Variants in TDO2 observed in about 807,000 individuals in gnomAD.
TDO2 encodes the protein tryptophan 2,3-dioxygenase.
A neutral mutation model predicts 61.2 loss-of-function variants in TDO2; 63 were observed. The ratio of observed to expected loss-of-function variants is 1.03; its 90% CI spans 0.84 to 1.27. The LOEUF is 1.27. Among genes scored for constraint, TDO2 ranks in the 50% most tolerant of loss-of-function variants. The pLI, the probability that TDO2 is intolerant of heterozygous loss-of-function variation, is 0.00. For synonymous variants in TDO2, 183 were observed against 164.0 expected, an observed-to-expected ratio of 1.12 and a Z score of -0.89; for missense variants, 494 against 469.5, an observed-to-expected ratio of 1.05 and a Z score of -0.48.
At chr4:155,907,897 T>C in intron 4 of TDO2, 105 bp downstream of exon 4, 1 of 790,908 alleles carries the variant, frequency 1.3e-6, no homozygotes, top group African/African-American at 1.8e-5. Context: ...GTCTTAACTT[T>C]TAATGATAGA....
intron 10 of TDO2, among the ~76,000 whole-genome samples, 164 bp downstream of exon 10, chr4:155,917,638 G>A (rs1442935929): frequency 6.6e-6 from 1 of 151,792 alleles, no homozygotes; most frequent in Non-Finnish European, 1.5e-5. Context: ...TCTCTCCCAG[G>A]GCCAACTTAT....
At chr4:155,918,330 T>C (rs1742982818) in intron 11 of TDO2, 91 bp downstream of exon 11, 1 of 1,150,526 alleles carries the variant, frequency 8.7e-7, no homozygotes, top group Non-Finnish European at 1.3e-6. Context: ...AAAGCCATTT[T>C]ATTTGCTCCT....
rs577930501 is a variant in TDO2 at position 155,903,728 on chromosome 4, C to T, written c.-31C>T. ...TGATAGCATCTGCCTAGAGTCAAAC[C>T]TCCGTGCTTCTCAGACAGTGCCTTT... is the stretch of plus-strand genomic sequence containing the variant. On this transcript the variant is annotated 5_prime_UTR_variant, in exon 1 of 12. Transcript: ENST00000536354. 135 of 1,614,080 alleles carry T rather than the reference C, an allele frequency of 8.4e-5. No individual in the cohort carries two copies. Among genetic ancestry groups the T allele is most frequent in the Admixed American group, 5.2e-4 (31 of 59,994 alleles).
intron 9 of TDO2, among the ~76,000 whole-genome samples, chr4:155,916,359 G>A (rs1742936597): frequency 8.5e-6 from 1 of 117,454 alleles, no homozygotes; most frequent in Non-Finnish European, 1.8e-5. Flanking sequence ...TAGTAGAGAC[G>A]GGGTTTCACC....
chr4:155,915,410 AC>A (rs1422125159), intron 8 of TDO2, among the ~76,000 whole-genome samples: 1 of 152,188 alleles, frequency 6.6e-6, no homozygotes, highest in Admixed American at 6.5e-5. Flanking sequence ...ATTAGAGCAC[AC>A]ATGTATGATT....
intron 7 of TDO2, among the ~76,000 whole-genome samples, chr4:155,913,438 G>A (rs1036534678): frequency 2.6e-5 from 4 of 152,034 alleles, no homozygotes; most frequent in African/African-American, 7.2e-5. Flanking sequence ...CCACTCTGAA[G>A]ATCTTGGCTC....
Position 155,903,772 on chromosome 4 carries a change from C to T in TDO2, c.14C>T (p.Pro5Leu). Residue 5 changes from proline (P) to leucine (L), a missense_variant, in exon 1 of 12, where the codon CCA becomes CTA. Physicochemically the swap from Pro to Leu is moderately conservative, Grantham distance 98. Coordinates refer to ENST00000536354, the MANE Select transcript of TDO2 (RefSeq NM_005651.4). The part of the protein sequence containing the change: MSGC[P>L]FLGNNFGYTF... ...TGCCTTTTCACCATGAGTGGGTGCC[C>T]ATTTTTAGGAAACAACTTTGGGTGA... is the stretch of plus-strand genomic sequence containing the variant. The T allele has an allele frequency of 1.2e-6, 2 of 1,614,168 alleles. No individual in the cohort carries two copies. Among genetic ancestry groups the T allele is most frequent in the Non-Finnish European group, 1.7e-6 (2 of 1,180,028 alleles).
intron 3 of TDO2, 30 bp downstream of exon 3, chr4:155,905,187 T>G (rs764350834): frequency 6.8e-7 from 1 of 1,463,740 alleles, no homozygotes; most frequent in Non-Finnish European, 9.3e-7. Context: ...TGGACAATAT[T>G]CCACAGGCAT....
Position 155,914,448 on chromosome 4 carries a change from CTT to C in TDO2, c.838+16_838+17del. The C allele has an allele frequency of 1.3e-6, 2 of 1,527,956 alleles. No individual in the cohort carries two copies. The highest frequency in any genetic ancestry group is 1.8e-6 in the Non-Finnish European group (2 of 1,131,652). 94.6% of individuals were successfully genotyped at this position (1,527,956 alleles called of 1,614,324 possible). A position where few individuals can be genotyped will look rare whatever the true frequency, so the allele number is the denominator to read the frequency against. On this transcript the variant is annotated intron_variant, in intron 8 of 11. Transcript: ENST00000536354. ...TCCTTAGTAAAGGCAGGTATTTTTA[CTT>C]TATGAATCTTTTCCCTGGAATGTGT... is the stretch of plus-strand genomic sequence containing the variant.
chr4:155,917,428 G>A lies in TDO2; in HGVS notation c.930G>A (p.Leu310=). ...EEPRFQVPFQ[L]LTSLMDIDSL... The stretch of plus-strand genomic sequence containing the variant: ...CTAGGTTCCAGGTGCCTTTTCAGTT[G>A]CTGACTTCTCTTATGGACATAGATT... The change falls in exon 10 of 12, where the codon TTG becomes TTA. Residue 310 remains leucine (L), a synonymous_variant. Transcript: ENST00000536354. 6.2e-7 allele frequency: 1 copy of A among 1,610,892 alleles called. No individual in the cohort carries two copies. Among genetic ancestry groups the A allele is most frequent in the Non-Finnish European group, 8.5e-7 (1 of 1,178,822 alleles).
At chr4:155,914,489 A>G (rs774039501) in intron 8 of TDO2, 55 bp downstream of exon 8, 10 of 1,231,068 alleles carry the variant, frequency 8.1e-6, no homozygotes, top group African/African-American at 1.6e-5. Context: ...TATGAGATCA[A>G]GACATCATTT....
Position 155,905,064 on chromosome 4 carries a change from A to G in TDO2, c.142-3A>G. ...AGACAGGCTTTTTATTTTTCATTTCAAGTTGGAAAAAGTTTTGAATGCACA... is the reference window on the plus strand; with the variant it reads ...AGACAGGCTTTTTATTTTTCATTTCGAGTTGGAAAAAGTTTTGAATGCACA... On this transcript the variant is annotated splice_polypyrimidine_tract_variant and splice_region_variant and intron_variant, in intron 2 of 11. Coordinates refer to ENST00000536354, the MANE Select transcript of TDO2 (RefSeq NM_005651.4). The G allele has an allele frequency of 6.3e-6, 10 of 1,575,784 alleles. No homozygotes were observed. Among genetic ancestry groups the G allele is most frequent in the Non-Finnish European group, 6.9e-6 (8 of 1,165,110 alleles).
In TDO2 at chr4:155,908,882, T is replaced by C; in HGVS notation, c.304-5T>C. On this transcript the variant is annotated splice_polypyrimidine_tract_variant and splice_region_variant and intron_variant, in intron 4 of 11. Transcript: ENST00000536354. ...TAACTCAGTGTTTCATTTCTTAACC[T>C]TCAGGTCAGAGATGAAAGGAACATG... The C allele has an allele frequency of 6.2e-7, 1 of 1,608,744 alleles. No homozygotes were observed. Among genetic ancestry groups the C allele is most frequent in the Non-Finnish European group, 8.5e-7 (1 of 1,177,770 alleles).
Position 155,903,742 on chromosome 4 carries a change from G to A in TDO2, c.-17G>A. 6.2e-7 allele frequency: 1 copy of A among 1,614,170 alleles called. No individual in the cohort carries two copies. Among genetic ancestry groups the A allele is most frequent in the Non-Finnish European group, 8.5e-7 (1 of 1,180,016 alleles). On this transcript the variant is annotated 5_prime_UTR_variant, in exon 1 of 12. Transcript: ENST00000536354. ...TAGAGTCAAACCTCCGTGCTTCTCA[G>A]ACAGTGCCTTTTCACCATGAGTGGG...
chr4:155,907,851 T>G, intron 4 of TDO2, 59 bp downstream of exon 4: 4 of 1,333,998 alleles, frequency 3.0e-6, no homozygotes, highest in South Asian at 1.2e-5. Context: ...ATGGAAAGTA[T>G]TATTAATGAG....
chr4:155,905,251 A>T (rs1433940435), intron 3 of TDO2, 94 bp downstream of exon 3: 3 of 908,592 alleles, frequency 3.3e-6, no homozygotes, highest in Non-Finnish European at 5.1e-6. Context: ...ATGATGAAAG[A>T]TCATGGAATC....
In TDO2 at chr4:155,905,054, TTTTCA is replaced by T. The variant is rs761895969; in HGVS notation, c.142-7_142-3del. The T allele has an allele frequency of 6.4e-7, 1 of 1,567,670 alleles. No homozygotes were observed. Among genetic ancestry groups the T allele is most frequent in the Non-Finnish European group, 8.6e-7 (1 of 1,158,874 alleles). ...CTGCAATTTCAGACAGGCTTTTTAT[TTTTCA>T]TTTCAAGTTGGAAAAAGTTTTGAAT... On this transcript the variant is annotated splice_polypyrimidine_tract_variant and splice_region_variant and intron_variant, in intron 2 of 11. Coordinates refer to ENST00000536354, the MANE Select transcript of TDO2 (RefSeq NM_005651.4).
At chr4:155,912,694 C>G (rs1388050453) in intron 7 of TDO2, among the ~76,000 whole-genome samples, 1 of 152,048 alleles carries the variant, frequency 6.6e-6, no homozygotes, top group East Asian at 1.9e-4. Context: ...TAGATGGTGT[C>G]ATTTATACCC....
Position 155,917,448 on chromosome 4 carries a change from T to C in TDO2, c.950T>C (p.Ile317Thr). The change falls in exon 10 of 12, where the codon ATA becomes ACA. Residue 317 changes from isoleucine (I) to threonine (T), a missense_variant. Ile to Thr is a moderately conservative substitution (Grantham distance 89). Coordinates refer to ENST00000536354, the MANE Select transcript of TDO2 (RefSeq NM_005651.4). ...PFQLLTSLMD[I>T]DSLMTKWRYN... ...CAGTTGCTGACTTCTCTTATGGACA[T>C]AGATTCACTGATGACCAAATGGAGA... 6.2e-7 allele frequency: 1 copy of C among 1,611,594 alleles called. No individual in the cohort carries two copies. The highest frequency in any genetic ancestry group is 8.5e-7 in the Non-Finnish European group (1 of 1,179,058).
Sources: allele counts gnomAD v4.1 joint callset (sites outside exome capture counted in the v4.1 genomes callset), GRCh38; gene constraint gnomAD v4.1.1; transcripts MANE v1.5; gene names NCBI Gene and HGNC (gene_info 2026-07-23, HGNC 2026-07-21).